Variants in IARS2 observed in about 807,000 individuals in gnomAD.
The protein encoded by IARS2 is isoleucine--tRNA ligase, mitochondrial.
IARS2 carries 56 observed loss-of-function variants against 126.3 expected under a neutral mutation model. The observed-to-expected ratio is 0.44, with a 90% CI of 0.36 to 0.55. The LOEUF (loss-of-function observed/expected upper bound fraction) is 0.55, where lower values mean the gene tolerates loss of function less well. Among genes scored for constraint, IARS2 ranks in the 20% least tolerant of loss-of-function variants. The pLI is 0.00. For missense variants in IARS2, 1,127 were observed against 1,245.9 expected (o/e 0.90, Z 1.44); for synonymous variants, 407 against 441.1 (o/e 0.92, Z 0.97).
At chr1:220,140,470 T>C (rs1305537396) in intron 19 of IARS2, among the ~76,000 whole-genome samples, 181 bp downstream of exon 19, 3 of 151,964 alleles carry the variant, frequency 2.0e-5, no homozygotes, top group African/African-American at 7.3e-5. Context: ...TCCGAGTCAC[T>C]CAGGAGACTG....
chr1:220,134,614 G>A, intron 15 of IARS2, 104 bp downstream of exon 15: 1 of 585,482 alleles, frequency 1.7e-6, no homozygotes, highest in Non-Finnish European at 2.9e-6. Flanking sequence ...ATTGCTTACA[G>A]TGTCCTGTAA....
rs746084166 is a variant in IARS2 at position 220,125,277 on chromosome 1, G to A, written c.1681G>A (p.Gly561Ser). 17 of 1,613,688 alleles carry A rather than the reference G, an allele frequency of 1.1e-5. No homozygotes were observed. The highest frequency in any genetic ancestry group is 3.3e-5 in the South Asian group (3 of 91,052). Residue 561 changes from glycine to serine, a missense_variant, in exon 13 of 23, where the codon GGC becomes AGC. Gly to Ser is a moderately conservative substitution (Grantham distance 56, BLOSUM62 0). Coordinates refer to ENST00000366922, the MANE Select transcript of IARS2 (RefSeq NM_018060.4). Reference sequence around the variant, plus strand: ...TATTGTTAAACTAGTGGAACAACACGGCAGTGATATCTGGTGGACTCTTCC... The same window carrying A: ...TATTGTTAAACTAGTGGAACAACACAGCAGTGATATCTGGTGGACTCTTCC... ...EHIVKLVEQH[G>S]SDIWWTLPPE...
Position 220,110,947 on chromosome 1 carries a change from G to A in IARS2, c.1479+10G>A, listed in dbSNP as rs377397714. On this transcript the variant is annotated intron_variant, in intron 11 of 22. Coordinates refer to ENST00000366922, the MANE Select transcript of IARS2 (RefSeq NM_018060.4). ...TAAGACTGCAGCCAAGGTATAAAAAGCATCCTGTTTTAACAGGTCGGGCAT... is the reference window on the plus strand; with the variant it reads ...TAAGACTGCAGCCAAGGTATAAAAAACATCCTGTTTTAACAGGTCGGGCAT... 6.8e-6 allele frequency: 11 copies of A among 1,610,958 alleles called. No individual in the cohort carries two copies. In the African/African-American group the frequency reaches 1.2e-4, roughly 18 times the overall value.
At chr1:220,132,366 G>C (rs1657287696) in intron 14 of IARS2, among the ~76,000 whole-genome samples, 1 of 152,072 alleles carries the variant, frequency 6.6e-6, no homozygotes, top group Non-Finnish European at 1.5e-5. Flanking sequence ...ACTCCTTACT[G>C]TTCTATTTCT....
intron 19 of IARS2, among the ~76,000 whole-genome samples, chr1:220,141,433 A>G (rs779141596): frequency 2.0e-5 from 3 of 152,202 alleles, no homozygotes; most frequent in African/African-American, 4.8e-5. Context: ...CAGCACCCCA[A>G]GGACCTTGCA....
At chr1:220,096,264 G>T in intron 2 of IARS2, 38 bp downstream of exon 2, 1 of 1,358,928 alleles carries the variant, frequency 7.4e-7, no homozygotes, top group Non-Finnish European at 1.0e-6. Context: ...GAAAGAAAGT[G>T]TTTATGTAAA....
At chr1:220,119,039 AT>A (rs973192883) in intron 12 of IARS2, among the ~76,000 whole-genome samples, 1 of 152,142 alleles carries the variant, frequency 6.6e-6, no homozygotes, top group African/African-American at 2.4e-5. Flanking sequence ...AATCTTCAAT[AT>A]TTTTGCTTAT....
chr1:220,132,603 G>A (rs1035293193), intron 14 of IARS2, among the ~76,000 whole-genome samples: 1 of 142,284 alleles, frequency 7.0e-6, no homozygotes, highest in Non-Finnish European at 1.5e-5. Flanking sequence ...TCATCTCACT[G>A]CAAACTCCAC....
chr1:220,136,702 A>G (rs1657383010), intron 15 of IARS2, 107 bp from the exon 16 acceptor site: 1 of 536,424 alleles, frequency 1.9e-6, no homozygotes, highest in Admixed American at 3.8e-5. Flanking sequence ...GTCAAGAAAA[A>G]TCATATTTTT....
intron 14 of IARS2, 85 bp from the exon 15 acceptor site, chr1:220,134,317 A>G: frequency 1.1e-6 from 1 of 895,808 alleles, no homozygotes; most frequent in Non-Finnish European, 1.7e-6. Flanking sequence ...CCTCCCCACT[A>G]ATTGTTATTA....
chr1:220,123,361 A>G (rs1657086471), intron 12 of IARS2, among the ~76,000 whole-genome samples: 1 of 152,218 alleles, frequency 6.6e-6, no homozygotes, highest in Non-Finnish European at 1.5e-5. Context: ...AAGTTCTTCA[A>G]AGTACATGAT....
chr1:220,122,166 GT>G, intron 12 of IARS2, among the ~76,000 whole-genome samples: 1 of 152,242 alleles, frequency 6.6e-6, no homozygotes, highest in African/African-American at 2.4e-5. Context: ...ACTTTCTTTA[GT>G]TATTAGGACT....
chr1:220,105,801 G>A (rs1656667427), intron 8 of IARS2, 90 bp from the exon 9 acceptor site: 5 of 1,080,216 alleles, frequency 4.6e-6, no homozygotes, highest in Non-Finnish European at 7.0e-6. Context: ...TCTAGATTCT[G>A]CACATTTAAC....
rs112494903 is a variant in IARS2 at position 220,138,719 on chromosome 1, A to C, written c.2176-289A>C. ...ATTATTCTGACCCACACACATGAAT[A>C]AACTGGGCTACTGAAAGGTGATTTG... is the stretch of plus-strand genomic sequence containing the variant. On this transcript the variant is annotated intron_variant, in intron 17 of 22. Coordinates refer to ENST00000366922, the MANE Select transcript of IARS2 (RefSeq NM_018060.4). 6.5e-3 allele frequency among the ~76,000 whole-genome samples: 992 copies of C among 152,300 alleles called. 15 individuals carry two copies. The highest frequency in any genetic ancestry group is 0.022 in the African/African-American group (934 of 41,572).
chr1:220,136,731 C>CT, intron 15 of IARS2, 78 bp from the exon 16 acceptor site: 1 of 617,722 alleles, frequency 1.6e-6, no homozygotes, highest in Non-Finnish European at 2.7e-6. Context: ...CTTAGATACT[C>CT]TTTTTAAGCT....
intron 2 of IARS2, 36 bp from the exon 3 acceptor site, chr1:220,100,454 T>C (rs750171626): frequency 1.3e-6 from 2 of 1,486,340 alleles, no homozygotes; most frequent in Admixed American, 4.0e-5. Context: ...CCAAATATTT[T>C]ATGTATGAAT....
At chr1:220,145,787 A>G (rs746635806) in intron 22 of IARS2, 134 bp downstream of exon 22, 48 of 746,664 alleles carry the variant, frequency 6.4e-5, no homozygotes, top group Non-Finnish European at 8.7e-5. Context: ...TGGAAATAAT[A>G]AAAACAATTG....
intron 2 of IARS2, among the ~76,000 whole-genome samples, chr1:220,100,206 C>G (rs1280094278): frequency 6.6e-6 from 1 of 152,106 alleles, no homozygotes; most frequent in Non-Finnish European, 1.5e-5. Flanking sequence ...CACAATATTC[C>G]ATTCTCTGAG....
At chr1:220,138,364 G>A (rs776163473) in intron 17 of IARS2, among the ~76,000 whole-genome samples, 1 of 152,182 alleles carries the variant, frequency 6.6e-6, no homozygotes, top group South Asian at 2.1e-4. Context: ...CCAGCTGTTC[G>A]GGAGGCTGAG....
Sources: allele counts gnomAD v4.1 joint callset (sites outside exome capture counted in the v4.1 genomes callset), GRCh38; gene constraint gnomAD v4.1.1; transcripts MANE v1.5; gene names NCBI Gene and HGNC (gene_info 2026-07-23, HGNC 2026-07-21).